The following CALN1 variants were observed in gnomAD, a reference collection of about 807,000 sequenced individuals.
The protein encoded by CALN1 is calneuron 1, also known as calcium-binding protein 8.
Under a neutral mutation model 30.6 loss-of-function variants are expected in CALN1, and 17 were observed. That is an observed-to-expected ratio of 0.56 (90% CI 0.38 to 0.83). The LOEUF (loss-of-function observed/expected upper bound fraction) is 0.83. CALN1 is among the 40% of genes least tolerant of loss of function. CALN1 has a pLI of 0.00. For missense variants in CALN1, 291 were observed against 354.9 expected, an observed-to-expected ratio of 0.82 and a Z score of 1.45; for synonymous variants, 156 against 131.4, an observed-to-expected ratio of 1.19 and a Z score of -1.28.
At chr7:71,984,678 T>C (rs1798570989) in intron 5 of CALN1, among the ~76,000 whole-genome samples, 1 of 152,150 alleles carries the variant, frequency 6.6e-6, no homozygotes, top group African/African-American at 2.4e-5. Flanking sequence ...TCTGGAGAGA[T>C]ATGGGAGACC....
At chr7:72,316,733 CAGGAGTTCA>C (rs1264335858) in intron 2 of CALN1, among the ~76,000 whole-genome samples, 1 of 151,920 alleles carries the variant, frequency 6.6e-6, no homozygotes, top group East Asian at 1.9e-4. Context: ...TGCTTGAGTC[CAGGAGTTCA>C]AGACCAACCT....
At chr7:72,478,189 AC>A in the CALN1 span, among the ~76,000 whole-genome samples, 1 of 151,090 alleles carries the variant, frequency 6.6e-6, no homozygotes, top group Non-Finnish European at 1.5e-5. Context: ...CCAGTAAGCA[AC>A]GTAGCAAGAC....
intron 5 of CALN1, among the ~76,000 whole-genome samples, chr7:71,888,495 CA>C (rs988778979): frequency 7.3e-5 from 9 of 122,724 alleles, no homozygotes; most frequent in African/African-American, 2.8e-4. Flanking sequence ...AACAAAAAAA[CA>C]AAACAAAACA....
At chr7:71,921,508 T>C (rs1005455257) in intron 5 of CALN1, among the ~76,000 whole-genome samples, 2 of 152,156 alleles carry the variant, frequency 1.3e-5, no homozygotes, top group Non-Finnish European at 2.9e-5. Flanking sequence ...ATTGCAATTA[T>C]ATAAATGAGA....
intron 3 of CALN1, among the ~76,000 whole-genome samples, chr7:72,228,168 A>G (rs1793822492): frequency 6.6e-6 from 1 of 151,950 alleles, no homozygotes; most frequent in East Asian, 1.9e-4. Flanking sequence ...TGTCAATGAG[A>G]TGCCTGTGAT....
At chr7:72,322,946 A>G (rs1053576402) in intron 2 of CALN1, among the ~76,000 whole-genome samples, 2 of 151,750 alleles carry the variant, frequency 1.3e-5, no homozygotes, top group Admixed American at 1.3e-4. Flanking sequence ...AAAATCAAAA[A>G]AATTTTTAAA....
At chr7:72,384,917 TGTA>T (rs1259687701) in intron 2 of CALN1, among the ~76,000 whole-genome samples, 3 of 152,128 alleles carry the variant, frequency 2.0e-5, no homozygotes, top group East Asian at 1.9e-4. Flanking sequence ...ATAAAGGACT[TGTA>T]GTCAAAATAT....
At chr7:71,995,062 C>A (rs1799183849) in intron 5 of CALN1, among the ~76,000 whole-genome samples, 1 of 152,134 alleles carries the variant, frequency 6.6e-6, no homozygotes, top group Admixed American at 6.5e-5. Flanking sequence ...CCGTGGTAGT[C>A]AGGATGGTCT....
chr7:72,126,503 G>A (rs560321634), intron 3 of CALN1, among the ~76,000 whole-genome samples: 17 of 152,096 alleles, frequency 1.1e-4, no homozygotes, highest in Middle Eastern at 3.4e-3. Context: ...CTTTTCCTTT[G>A]GATAGACACC....
intron 5 of CALN1, among the ~76,000 whole-genome samples, chr7:72,009,764 C>T (rs899973349): frequency 2.0e-5 from 3 of 152,148 alleles, no homozygotes; most frequent in Non-Finnish European, 4.4e-5. Context: ...TTTCATTTGG[C>T]TCTCATTCTC....
At position 71,944,663 on chromosome 7, in the gene CALN1, C is replaced by T. The variant is rs185816922; in HGVS notation, c.501+78994G>A. Among the ~76,000 whole-genome samples, 34 of 147,968 alleles carry T rather than the reference C, an allele frequency of 2.3e-4. No individual in the cohort carries two copies. In the East Asian group the frequency reaches 4.8e-3, roughly 21 times the overall value. ...TTATGTAATAATTTACCTATTGTGT[C>T]TAAGCTGTTCTTTAAAAAACTAATT... On this transcript the variant is annotated intron_variant, in intron 5 of 6. Coordinates refer to ENST00000395275, the MANE Select transcript of CALN1 (RefSeq NM_031468.4).
At chr7:72,317,404 A>C (rs1380052269) in intron 2 of CALN1, among the ~76,000 whole-genome samples, 2 of 152,232 alleles carry the variant, frequency 1.3e-5, no homozygotes, top group Non-Finnish European at 2.9e-5. Flanking sequence ...CCATCATCCC[A>C]CAGAGGATTT....
At chr7:72,278,021 C>CGGGGT in intron 3 of CALN1, among the ~76,000 whole-genome samples, 2 of 103,340 alleles carry the variant, frequency 1.9e-5, no homozygotes, top group Non-Finnish European at 4.2e-5. Flanking sequence ...GGGGGGGGGA[C>CGGGGT]TTGTTTTTCC....
At chr7:72,303,252 C>G (rs1799420704) in intron 2 of CALN1, among the ~76,000 whole-genome samples, 1 of 152,094 alleles carries the variant, frequency 6.6e-6, no homozygotes, top group Non-Finnish European at 1.5e-5. Flanking sequence ...ACAGTGGGGG[C>G]AGGTGTTGTA....
intron 5 of CALN1, among the ~76,000 whole-genome samples, chr7:71,863,554 T>C (rs1190236405): frequency 2.4e-5 from 1 of 42,374 alleles, no homozygotes; most frequent in Non-Finnish European, 4.4e-5. Context: ...CTAAACTCCA[T>C]CTCAAAAAAA....
intron 4 of CALN1, among the ~76,000 whole-genome samples, chr7:72,039,709 A>G (rs529119384): frequency 8.2e-4 from 125 of 152,256 alleles, no homozygotes; most frequent in African/African-American, 2.6e-3. Flanking sequence ...ACAGGCTTAG[A>G]AGGAGGAGTA....
At chr7:71,808,730 T>C (rs768659582) in intron 6 of CALN1, among the ~76,000 whole-genome samples, 12 of 152,142 alleles carry the variant, frequency 7.9e-5, no homozygotes, top group Non-Finnish European at 1.2e-4. Flanking sequence ...GAAAATGAGA[T>C]GATACCCAAA....
intron 5 of CALN1, among the ~76,000 whole-genome samples, chr7:72,003,518 C>T (rs964184655): frequency 2.0e-5 from 3 of 152,150 alleles, no homozygotes; most frequent in Non-Finnish European, 2.9e-5. Flanking sequence ...TCCCATCGCT[C>T]GCATTACCAC....
chr7:72,366,470 CT>C (rs1200294902), intron 2 of CALN1, among the ~76,000 whole-genome samples: 2 of 152,114 alleles, frequency 1.3e-5, no homozygotes, highest in Non-Finnish European at 2.9e-5. Flanking sequence ...GCTACAGCGC[CT>C]GATGTATTTT....
Sources: allele counts gnomAD v4.1 joint callset (sites outside exome capture counted in the v4.1 genomes callset), GRCh38; gene constraint gnomAD v4.1.1; transcripts MANE v1.5; gene names NCBI Gene and HGNC (gene_info 2026-07-23, HGNC 2026-07-21).